Variants in NTRK2 observed in about 807,000 individuals in gnomAD.
NTRK2 encodes the protein neurotrophic receptor tyrosine kinase 2.
Under a neutral mutation model 94.5 loss-of-function variants are expected in NTRK2, and 13 were observed. The observed-to-expected ratio is 0.14, with a 90% confidence interval of 0.09 to 0.22. The LOEUF (loss-of-function observed/expected upper bound fraction) is 0.22, where lower values mean the gene tolerates loss of function less well. Among genes scored for constraint, NTRK2 ranks in the 10% least tolerant of loss-of-function variants. The pLI is 1.00. For synonymous variants in NTRK2, 372 were observed against 407.4 expected, an observed-to-expected ratio of 0.91 and a Z score of 1.05; for missense variants, 639 against 1,071.2, an observed-to-expected ratio of 0.60 and a Z score of 5.63.
intron 12 of NTRK2, among the ~76,000 whole-genome samples, chr9:84,800,752 T>TTACC (rs1195199324): frequency 6.6e-6 from 1 of 152,168 alleles, no homozygotes; most frequent in African/African-American, 2.4e-5. Context: ...GAAGGACATC[T>TTACC]TACCTCCCGA....
intron 16 of NTRK2, among the ~76,000 whole-genome samples, chr9:84,952,295 G>C (rs1823559873): frequency 6.6e-6 from 1 of 152,172 alleles, no homozygotes; most frequent in African/African-American, 2.4e-5. Flanking sequence ...GAAAAGACCA[G>C]AAGGAAAGTG....
At chr9:84,739,715 C>A (rs1476571376) in intron 9 of NTRK2, among the ~76,000 whole-genome samples, 2 of 152,092 alleles carry the variant, frequency 1.3e-5, no homozygotes, top group Non-Finnish European at 2.9e-5. Flanking sequence ...CAACTCCTCC[C>A]AGGCTAAGGA....
intron 2 of NTRK2, among the ~76,000 whole-genome samples, chr9:84,691,391 C>T (rs900829704): frequency 2.7e-5 from 4 of 150,480 alleles, no homozygotes; most frequent in Middle Eastern, 3.4e-3. Flanking sequence ...ATAACAGATA[C>T]AACTCAGGAT....
chr9:84,689,779 C>T (rs1008162939), intron 2 of NTRK2, among the ~76,000 whole-genome samples: 14 of 152,122 alleles, frequency 9.2e-5, no homozygotes, highest in African/African-American at 3.4e-4. Flanking sequence ...AAACCATGAC[C>T]CCCCATAACC....
At chr9:84,745,182 A>G in intron 11 of NTRK2, 109 bp downstream of exon 11, 1 of 697,110 alleles carries the variant, frequency 1.4e-6, no homozygotes, top group Non-Finnish European at 2.5e-6. Flanking sequence ...AGATATAAAT[A>G]GGGTGTTAAC....
chr9:84,706,724 G>T (rs902948191), intron 4 of NTRK2, among the ~76,000 whole-genome samples: 3 of 151,592 alleles, frequency 2.0e-5, no homozygotes, highest in African/African-American at 7.3e-5. Flanking sequence ...TGGAGACGGG[G>T]TTTCACTGTG....
chr9:85,004,015 AAG>A (rs1173367259), intron 17 of NTRK2, among the ~76,000 whole-genome samples: 3 of 71,450 alleles, frequency 4.2e-5, no homozygotes, highest in East Asian at 2.3e-4. Flanking sequence ...AAAGAAAAGA[AAG>A]AGAGAAAGAA....
intron 9 of NTRK2, among the ~76,000 whole-genome samples, chr9:84,738,001 CTT>C (rs1262528691): frequency 6.6e-6 from 1 of 151,508 alleles, no homozygotes; most frequent in Non-Finnish European, 1.5e-5. Flanking sequence ...CCTTCAACCT[CTT>C]TCAGCTGAGG....
In NTRK2 at chr9:84,926,187, TTTCTTTCTTTCTTTC is replaced by T. The variant is rs1299052601; in HGVS notation, c.1634-7972_1634-7958del. On this transcript the variant is annotated intron_variant, in intron 14 of 18. Transcript: ENST00000277120. The stretch of plus-strand genomic sequence containing the variant: ...CTTCCTTCCTTTCTTTCTTTCTTTC[TTTCTTTCTTTCTTTC>T]TTTCTTTCTTTCTTTCTTTCTTTCT... 4.9e-4 allele frequency among the ~76,000 whole-genome samples: 66 copies of T among 133,370 alleles called. 1 individual carries two copies. The highest frequency in any genetic ancestry group is 1.8e-3 in the African/African-American group (65 of 35,272). 87.5% of individuals were successfully genotyped at this position (133,370 alleles called of 152,430 possible). A position where few individuals can be genotyped will look rare whatever the true frequency, so the allele number is the denominator to read the frequency against.
intron 3 of NTRK2, 53 bp downstream of exon 3, chr9:84,702,286 C>T (rs1227225516): frequency 9.9e-6 from 16 of 1,608,292 alleles, no homozygotes; most frequent in Admixed American, 1.7e-5. Context: ...CTGTTGTCTG[C>T]TCTGGTCAGG....
At chr9:84,873,973 T>C in intron 14 of NTRK2, 2 of 1,063,250 alleles carry the variant, frequency 1.9e-6, no homozygotes, top group Non-Finnish European at 2.3e-6. Context: ...TTCTGCATCC[T>C]GCACATATCA....
At chr9:84,901,228 T>TATTTTATTTC (rs1440838116) in intron 14 of NTRK2, among the ~76,000 whole-genome samples, 2 of 151,422 alleles carry the variant, frequency 1.3e-5, no homozygotes, top group African/African-American at 2.4e-5. Flanking sequence ...TATTTTATTT[T>TATTTTATTTC]ATTTTATTTT....
chr9:84,979,687 A>G (rs1403693955), intron 17 of NTRK2, among the ~76,000 whole-genome samples: 1 of 152,238 alleles, frequency 6.6e-6, no homozygotes, highest in South Asian at 2.1e-4. Flanking sequence ...ACAGCATTAC[A>G]TATTACAGAG....
Position 84,670,632 on chromosome 9 carries a change from A to G in NTRK2, c.-117A>G, listed in dbSNP as rs1388631224. 9.9e-7 allele frequency: 1 copy of G among 1,005,138 alleles called. No homozygotes were observed. Among genetic ancestry groups the G allele is most frequent in the South Asian group, 1.3e-5 (1 of 75,280 alleles). The allele number at this position is 1,005,138 out of a possible 1,614,324, so 62.3% of individuals were successfully genotyped here. A position where few individuals can be genotyped will look rare whatever the true frequency, so the allele number is the denominator to read the frequency against. On this transcript the variant is annotated 5_prime_UTR_variant, in exon 2 of 19. Transcript: ENST00000277120. ...ATAAGCTGGACTCGGCACGCCCGCA[A>G]CAAGCACCGAGGAGTTAAGAGAGCC...
intron 12 of NTRK2, among the ~76,000 whole-genome samples, chr9:84,803,138 T>C (rs1167451655): frequency 6.6e-6 from 1 of 152,180 alleles, no homozygotes; most frequent in Non-Finnish European, 1.5e-5. Flanking sequence ...GTGCCCACCC[T>C]GCTGTGGAGG....
At chr9:85,009,173 C>G (rs1029751997) in intron 17 of NTRK2, among the ~76,000 whole-genome samples, 2 of 152,200 alleles carry the variant, frequency 1.3e-5, no homozygotes, top group African/African-American at 2.4e-5. Context: ...GGACCATAGA[C>G]TCATGAAACC....
Position 85,008,849 on chromosome 9 carries a change from G to A in NTRK2, c.2173-11357G>A, listed in dbSNP as rs181681330. ...GCAAGGGTTTCACTGTTACTCTAAC[G>A]CTATCGCCTGAATGTTTCCTTTTCC... On this transcript the variant is annotated intron_variant, in intron 17 of 18. Transcript: ENST00000277120. Among the ~76,000 whole-genome samples the A allele has an allele frequency of 8.1e-4, 123 of 152,312 alleles. 1 individual carries two copies. Among genetic ancestry groups the A allele is most frequent in the African/African-American group, 2.8e-3 (118 of 41,580 alleles).
intron 4 of NTRK2, 35 bp downstream of exon 4, chr9:84,702,454 C>G (rs2060791799): frequency 6.5e-7 from 1 of 1,545,840 alleles, no homozygotes; most frequent in South Asian, 1.1e-5. Context: ...TTCCCAGGAC[C>G]CATTTTATTC....
rs1034078978 is a variant in NTRK2 at position 85,026,310 on chromosome 9, T to C, written c.*4873T>C. 6 of 231,584 alleles carry C rather than the reference T, an allele frequency of 2.6e-5. No individual in the cohort carries two copies. In the Admixed American group the frequency reaches 3.4e-4, roughly 13 times the overall value. The allele number at this position is 231,584 out of a possible 1,614,324, so 14.3% of individuals were successfully genotyped here. A position where few individuals can be genotyped will look rare whatever the true frequency, so the allele number is the denominator to read the frequency against. On this transcript the variant is annotated 3_prime_UTR_variant, in exon 19 of 19. Transcript: ENST00000277120. ...GCGTTTGAGGCCAGGTCCATGTTTA[T>C]TTATTTCTTTAGTCTATGCATTAAT... is the stretch of plus-strand genomic sequence containing the variant.
Sources: gnomAD v4.1 joint callset for allele counts (sites outside exome capture counted in the v4.1 genomes callset) on GRCh38, gnomAD v4.1.1 for gene constraint, MANE v1.5 for transcripts, NCBI Gene and HGNC (gene_info 2026-07-23, HGNC 2026-07-21) for gene names.